The following LRATD2 variants were observed in gnomAD, a reference collection of about 807,000 sequenced individuals.
LRATD2 encodes the protein LRAT domain containing 2, also known as protein LRATD2.
Under a neutral mutation model 12.0 loss-of-function variants are expected in LRATD2, and 10 were observed. The observed-to-expected ratio is 0.83, with a 90% CI of 0.51 to 1.41. The LOEUF (loss-of-function observed/expected upper bound fraction) is 1.41, where lower values mean the gene tolerates loss of function less well. Among genes scored for constraint, LRATD2 ranks in the 40% most tolerant of loss-of-function variants. The pLI is 0.00. For synonymous variants in LRATD2, 220 were observed against 205.8 expected, an observed-to-expected ratio of 1.07 and a Z score of -0.59; for missense variants, 455 against 446.1, an observed-to-expected ratio of 1.02 and a Z score of -0.18.
Position 126,556,583 on chromosome 8 carries a change from G to A in LRATD2, c.807C>T (p.Leu269=), listed in dbSNP as rs1209804653. Residue 269 remains leucine, a synonymous_variant, in exon 2 of 2, where the codon CTC becomes CTT. Coordinates refer to ENST00000304916, the MANE Select transcript of LRATD2 (RefSeq NM_174911.5). The surrounding 1 kb of genome is among the most constrained non-coding windows in gnomAD (Gnocchi z 5.6). The part of the protein sequence containing the change: ...QIGRAAVLQE[L]ATHLHPAEPE... ...GCTCCGCCGGGTGCAGGTGCGTGGCGAGCTCCTGCAGCACGGCCGCGCGCC... is the reference window on the plus strand; with the variant it reads ...GCTCCGCCGGGTGCAGGTGCGTGGCAAGCTCCTGCAGCACGGCCGCGCGCC... 4 of 1,609,438 alleles carry A rather than the reference G, an allele frequency of 2.5e-6. No homozygotes were observed. Among genetic ancestry groups the A allele is most frequent in the Non-Finnish European group, 3.4e-6 (4 of 1,178,048 alleles).
At position 126,553,604 on chromosome 8, in the gene LRATD2, G is replaced by T. The variant is rs562785889; in HGVS notation, c.*2853C>A. 6.6e-6 allele frequency: 1 copy of T among 152,650 alleles called. No homozygotes were observed. Among genetic ancestry groups the T allele is most frequent in the Non-Finnish European group, 1.5e-5 (1 of 68,020 alleles). The allele number at this position is 152,650 out of a possible 1,614,324, so 9.5% of individuals were successfully genotyped here. On this transcript the variant is annotated 3_prime_UTR_variant, in exon 2 of 2. Coordinates refer to ENST00000304916, the MANE Select transcript of LRATD2 (RefSeq NM_174911.5). Reference sequence around the variant, plus strand: ...AAACTCACTTATCCACAACACTGCCGTCTTCAGGAAAGAACCAAGAGTTGA... The same window carrying T: ...AAACTCACTTATCCACAACACTGCCTTCTTCAGGAAAGAACCAAGAGTTGA...
chr8:126,557,172 G>A lies in LRATD2; in HGVS notation c.218C>T (p.Pro73Leu), dbSNP rs1275949724. Residue 73 changes from proline to leucine, a missense_variant, in exon 2 of 2, where the codon CCC becomes CTC. Coordinates refer to ENST00000304916, the MANE Select transcript of LRATD2 (RefSeq NM_174911.5). The surrounding 1 kb of genome is among the most constrained non-coding windows in gnomAD (Gnocchi z 5.3). Reference protein sequence around the residue: ...GDGPPPPQPQPYDPRLHEVEC... With the variant: ...GDGPPPPQPQLYDPRLHEVEC... ...CACCTCGTGCAGCCGCGGATCGTAG[G>A]GCTGCGGCTGGGGCGGCGGCGGCCC... The A allele has an allele frequency of 6.2e-7, 1 of 1,609,674 alleles. No individual in the cohort carries two copies. Among genetic ancestry groups the A allele is most frequent in the African/African-American group, 1.3e-5 (1 of 74,864 alleles).
chr8:126,555,325 G>A lies in LRATD2; in HGVS notation c.*1132C>T, dbSNP rs930157519. 3.3e-5 allele frequency: 5 copies of A among 151,994 alleles called. No homozygotes were observed. The highest frequency in any genetic ancestry group is 1.2e-4 in the African/African-American group (5 of 41,412). The allele number at this position is 151,994 out of a possible 1,614,324, so 9.4% of individuals were successfully genotyped here. A position where few individuals can be genotyped will look rare whatever the true frequency, so the allele number is the denominator to read the frequency against. On this transcript the variant is annotated 3_prime_UTR_variant, in exon 2 of 2. Coordinates refer to ENST00000304916, the MANE Select transcript of LRATD2 (RefSeq NM_174911.5). The stretch of plus-strand genomic sequence containing the variant: ...CAGCAGAACAAAAGTGAGGGTGAGA[G>A]GGATGGGCCAGTGAGGGGATGGGGG...
In LRATD2 at chr8:126,555,194, T is replaced by C. The variant is rs767087432; in HGVS notation, c.*1263A>G. On this transcript the variant is annotated 3_prime_UTR_variant, in exon 2 of 2. Transcript: ENST00000304916. ...GGTGTTCTCCAAGCAACAAGGAGAC[T>C]GCTTCAGTACAAGACTTTGCACCTT... The C allele has an allele frequency of 2.0e-5, 3 of 152,226 alleles. No individual in the cohort carries two copies. Among genetic ancestry groups the C allele is most frequent in the Non-Finnish European group, 2.9e-5 (2 of 68,046 alleles). The allele number at this position is 152,226 out of a possible 1,614,324, so 9.4% of individuals were successfully genotyped here. A position where few individuals can be genotyped will look rare whatever the true frequency, so the allele number is the denominator to read the frequency against.
chr8:126,556,865 C>G lies in LRATD2; in HGVS notation c.525G>C (p.Pro175=). The change falls in exon 2 of 2, where the codon CCG becomes CCC. Residue 175 remains proline, a synonymous_variant. Coordinates refer to ENST00000304916, the MANE Select transcript of LRATD2 (RefSeq NM_174911.5). This position sits in a 1 kb window ranked among gnomAD's most constrained non-coding sequence, Gnocchi z 5.6. The part of the protein sequence containing the change: ...RVVNDLYRYK[P]LSSSAVVRNA... ...TGCGCACCACGGCGCTGGAGCTTAG[C>G]GGCTTGTAGCGGTACAGATCGTTGA... The G allele has an allele frequency of 6.2e-7, 1 of 1,605,712 alleles. No homozygotes were observed. Among genetic ancestry groups the G allele is most frequent in the East Asian group, 2.2e-5 (1 of 44,764 alleles).
rs569908946 is a variant in LRATD2, at chr8:126,557,490, T to G, written c.-96-5A>C. ...CCGGACAGGGGCTGAGGCTACCTGT[T>G]GGGAGAGGAAGGCAAGAAAGCCATG... On this transcript the variant is annotated splice_polypyrimidine_tract_variant and splice_region_variant and intron_variant, in intron 1 of 1. Coordinates refer to ENST00000304916, the MANE Select transcript of LRATD2 (RefSeq NM_174911.5). This position sits in a 1 kb window ranked among gnomAD's most constrained non-coding sequence, Gnocchi z 5.3. The G allele has an allele frequency of 6.8e-6, 9 of 1,328,670 alleles. No homozygotes were observed. The East Asian group carries it at 2.0e-4, about 30-fold the overall frequency. The allele number at this position is 1,328,670 out of a possible 1,614,324, so 82.3% of individuals were successfully genotyped here.
rs1196390756 is a variant in LRATD2, at chr8:126,552,728, A to G, written c.*3729T>C. Reference sequence around the variant, plus strand: ...GGGAAATAAAATGCATGTGGAATTTATCCTGTTTGTCAACATAATTCTTCA... The same window carrying G: ...GGGAAATAAAATGCATGTGGAATTTGTCCTGTTTGTCAACATAATTCTTCA... On this transcript the variant is annotated 3_prime_UTR_variant, in exon 2 of 2. Coordinates refer to ENST00000304916, the MANE Select transcript of LRATD2 (RefSeq NM_174911.5). 3 of 152,596 alleles carry G rather than the reference A, an allele frequency of 2.0e-5. No homozygotes were observed. Among genetic ancestry groups the G allele is most frequent in the Non-Finnish European group, 2.9e-5 (2 of 68,042 alleles). 9.5% of individuals were successfully genotyped at this position (152,596 alleles called of 1,614,324 possible).
rs1817442537 is a variant in LRATD2, at chr8:126,557,442, T to G, written c.-53A>C. On this transcript the variant is annotated 5_prime_UTR_variant, in exon 2 of 2. Transcript: ENST00000304916. The surrounding 1 kb of genome is among the most constrained non-coding windows in gnomAD (Gnocchi z 5.3). ...CGCAAGGGGAGAAAGCGAAACCAAC[T>G]CCAGGGTCATTTGCACAGGTCCCCG... 2 of 1,583,528 alleles carry G rather than the reference T, an allele frequency of 1.3e-6. No homozygotes were observed. Among genetic ancestry groups the G allele is most frequent in the South Asian group, 2.3e-5 (2 of 87,562 alleles).
Position 126,557,071 on chromosome 8 carries a change from A to T in LRATD2, c.319T>A (p.Tyr107Asn). 6.2e-7 allele frequency: 1 copy of T among 1,609,772 alleles called. No individual in the cohort carries two copies. Among genetic ancestry groups the T allele is most frequent in the Non-Finnish European group, 8.5e-7 (1 of 1,179,992 alleles). ...FAPGSAALSTYTPENLLNKCK... is the reference protein window; with the variant it reads ...FAPGSAALSTNTPENLLNKCK... The stretch of plus-strand genomic sequence containing the variant: ...TTGTTGAGCAGGTTCTCGGGCGTGT[A>T]GGTACTCAGCGCCGCCGAGCCCGGC... The change falls in exon 2 of 2, where the codon TAC becomes AAC. Residue 107 changes from tyrosine (Y) to asparagine (N), a missense_variant. By Grantham distance (143) the Tyr-to-Asn change is moderately radical. Coordinates refer to ENST00000304916, the MANE Select transcript of LRATD2 (RefSeq NM_174911.5). This position sits in a 1 kb window ranked among gnomAD's most constrained non-coding sequence, Gnocchi z 5.3.
chr8:126,557,441 C>G lies in LRATD2; in HGVS notation c.-52G>C. 6.3e-7 allele frequency: 1 copy of G among 1,586,678 alleles called. No individual in the cohort carries two copies. On this transcript the variant is annotated 5_prime_UTR_variant, in exon 2 of 2. Coordinates refer to ENST00000304916, the MANE Select transcript of LRATD2 (RefSeq NM_174911.5). This position sits in a 1 kb window ranked among gnomAD's most constrained non-coding sequence, Gnocchi z 5.3. ...CCGCAAGGGGAGAAAGCGAAACCAACTCCAGGGTCATTTGCACAGGTCCCC... is the reference window on the plus strand; with the variant it reads ...CCGCAAGGGGAGAAAGCGAAACCAAGTCCAGGGTCATTTGCACAGGTCCCC...
At position 126,557,630 on chromosome 8, in the gene LRATD2, CCACCTGTAAGGT is replaced by C; in HGVS notation, c.-96-157_-96-146del. 1.8e-6 allele frequency: 1 copy of C among 559,080 alleles called. No homozygotes were observed. The highest frequency in any genetic ancestry group is 3.1e-6 in the Non-Finnish European group (1 of 319,062). The allele number at this position is 559,080 out of a possible 1,614,324, so 34.6% of individuals were successfully genotyped here. On this transcript the variant is annotated intron_variant, in intron 1 of 1. Transcript: ENST00000304916. The surrounding 1 kb of genome is among the most constrained non-coding windows in gnomAD (Gnocchi z 5.3). ...GTGTAGCGAGCTTTCCCTCGTTTCT[CCACCTGTAAGGT>C]CACGGTCACAGGAGACTGGGCAACT...
In LRATD2 at chr8:126,556,575, T is replaced by C. The variant is rs778043627; in HGVS notation, c.815A>G (p.His272Arg). 47 of 1,609,404 alleles carry C rather than the reference T, an allele frequency of 2.9e-5. No homozygotes were observed. The highest frequency in any genetic ancestry group is 4.0e-5 in the Non-Finnish European group (47 of 1,178,138). The stretch of plus-strand genomic sequence containing the variant: ...CTCCTCCGGCTCCGCCGGGTGCAGG[T>C]GCGTGGCGAGCTCCTGCAGCACGGC... The part of the protein sequence containing the change: ...RAAVLQELAT[H>R]LHPAEPEEGD... Residue 272 changes from histidine (H) to arginine (R), a missense_variant, in exon 2 of 2, where the codon CAC becomes CGC. Physicochemically the swap from His to Arg is conservative, Grantham distance 29. Coordinates refer to ENST00000304916, the MANE Select transcript of LRATD2 (RefSeq NM_174911.5). The surrounding 1 kb of genome is among the most constrained non-coding windows in gnomAD (Gnocchi z 5.6).
Position 126,556,341 on chromosome 8 carries a change from A to T in LRATD2, c.*116T>A. The T allele has an allele frequency of 8.1e-7, 1 of 1,236,554 alleles. No individual in the cohort carries two copies. Among genetic ancestry groups the T allele is most frequent in the Non-Finnish European group, 1.1e-6 (1 of 922,300 alleles). The allele number at this position is 1,236,554 out of a possible 1,614,324, so 76.6% of individuals were successfully genotyped here. A position where few individuals can be genotyped will look rare whatever the true frequency, so the allele number is the denominator to read the frequency against. On this transcript the variant is annotated 3_prime_UTR_variant, in exon 2 of 2. Transcript: ENST00000304916. The surrounding 1 kb of genome is among the most constrained non-coding windows in gnomAD (Gnocchi z 5.6). ...TCACCAACTCTTTTCCAAAGGGCCCAGGAATCCCAGATGGGGCCCAGACAG... is the reference window on the plus strand; with the variant it reads ...TCACCAACTCTTTTCCAAAGGGCCCTGGAATCCCAGATGGGGCCCAGACAG...
Position 126,556,736 on chromosome 8 carries a change from G to C in LRATD2, c.654C>G (p.Gly218=), listed in dbSNP as rs1393845514. The change falls in exon 2 of 2, where the codon GGC becomes GGG. Residue 218 remains glycine, a synonymous_variant. Coordinates refer to ENST00000304916, the MANE Select transcript of LRATD2 (RefSeq NM_174911.5). The surrounding 1 kb of genome is among the most constrained non-coding windows in gnomAD (Gnocchi z 5.6). ...CRYGKREFKI[G]GELRIGKQPY... is the part of the protein sequence containing the mutation. ...GCTGCTTGCCGATGCGCAGCTCGCC[G>C]CCGATCTTGAACTCGCGCTTGCCGT... 1 of 1,602,990 alleles carries C rather than the reference G, an allele frequency of 6.2e-7. No individual in the cohort carries two copies.
rs1394930587 is a variant in LRATD2 at position 126,553,595 on chromosome 8, A to C, written c.*2862T>G. The C allele has an allele frequency of 6.6e-6, 1 of 152,606 alleles. No homozygotes were observed. Among genetic ancestry groups the C allele is most frequent in the Admixed American group, 6.5e-5 (1 of 15,284 alleles). The allele number at this position is 152,606 out of a possible 1,614,324, so 9.5% of individuals were successfully genotyped here. ...GGGCATTAAAAACTCACTTATCCAC[A>C]ACACTGCCGTCTTCAGGAAAGAACC... On this transcript the variant is annotated 3_prime_UTR_variant, in exon 2 of 2. Coordinates refer to ENST00000304916, the MANE Select transcript of LRATD2 (RefSeq NM_174911.5).
At position 126,556,354 on chromosome 8, in the gene LRATD2, G is replaced by A; in HGVS notation, c.*103C>T. 1.5e-6 allele frequency: 2 copies of A among 1,313,016 alleles called. No homozygotes were observed. The highest frequency in any genetic ancestry group is 2.0e-6 in the Non-Finnish European group (2 of 989,358). 81.3% of individuals were successfully genotyped at this position (1,313,016 alleles called of 1,614,324 possible). On this transcript the variant is annotated 3_prime_UTR_variant, in exon 2 of 2. Transcript: ENST00000304916. This position sits in a 1 kb window ranked among gnomAD's most constrained non-coding sequence, Gnocchi z 5.6. ...TCCAAAGGGCCCAGGAATCCCAGAT[G>A]GGGCCCAGACAGTGGCAAAAGAGGG...
Position 126,553,872 on chromosome 8 carries a change from C to T in LRATD2, c.*2585G>A, listed in dbSNP as rs1817330738. The T allele has an allele frequency of 1.3e-5, 2 of 152,262 alleles. No homozygotes were observed. Among genetic ancestry groups the T allele is most frequent in the African/African-American group, 2.4e-5 (1 of 41,464 alleles). The allele number at this position is 152,262 out of a possible 1,614,324, so 9.4% of individuals were successfully genotyped here. ...CTAGAAGAGAGAGTCACTGCTCTCT[C>T]TTAACACAGTCGCTGCTATACTTCA... On this transcript the variant is annotated 3_prime_UTR_variant, in exon 2 of 2. Transcript: ENST00000304916.
rs1002534720 is a variant in LRATD2, at chr8:126,556,441, G to A, written c.*16C>T. ...GCAAACAGTTCCCCTTCGCAGCTCTGCGCTCAGCTCGCCCATCAGTGTGCC... is the reference window on the plus strand; with the variant it reads ...GCAAACAGTTCCCCTTCGCAGCTCTACGCTCAGCTCGCCCATCAGTGTGCC... On this transcript the variant is annotated 3_prime_UTR_variant, in exon 2 of 2. Coordinates refer to ENST00000304916, the MANE Select transcript of LRATD2 (RefSeq NM_174911.5). This position sits in a 1 kb window ranked among gnomAD's most constrained non-coding sequence, Gnocchi z 5.6. 1 of 1,545,002 alleles carries A rather than the reference G, an allele frequency of 6.5e-7. No individual in the cohort carries two copies. Among genetic ancestry groups the A allele is most frequent in the Non-Finnish European group, 8.7e-7 (1 of 1,151,742 alleles).
chr8:126,556,629 T>G lies in LRATD2; in HGVS notation c.761A>C (p.Lys254Thr). ...FQSLEDLIME[K>T]RRNDQIGRAA... ...GCGCCCGATCTGGTCGTTGCGTCGC[T>G]TCTCCATGATCAGGTCCTCTAGACT... The change falls in exon 2 of 2, where the codon AAG becomes ACG. Residue 254 changes from lysine (K) to threonine (T), a missense_variant. Lys to Thr is a moderately conservative substitution (Grantham distance 78, BLOSUM62 -1). Coordinates refer to ENST00000304916, the MANE Select transcript of LRATD2 (RefSeq NM_174911.5). The surrounding 1 kb of genome is among the most constrained non-coding windows in gnomAD (Gnocchi z 5.6). 1 of 1,611,352 alleles carries G rather than the reference T, an allele frequency of 6.2e-7. No homozygotes were observed. The highest frequency in any genetic ancestry group is 8.5e-7 in the Non-Finnish European group (1 of 1,179,012).
Sources: allele counts gnomAD v4.1 joint callset, GRCh38; gene constraint gnomAD v4.1.1; non-coding constraint Gnocchi (gnomAD v3.1); transcripts MANE v1.5; gene names NCBI Gene and HGNC (gene_info 2026-07-23, HGNC 2026-07-21).